The following SOX5 variants were observed in gnomAD, a reference collection of about 807,000 sequenced individuals.
SOX5 encodes SRY-box transcription factor 5, also known as transcription factor SOX-5.
In SOX5, 9 loss-of-function variants were observed where a neutral mutation model predicts 92.0. That is an observed-to-expected ratio of 0.10 (90% CI 0.06 to 0.17). SOX5 has a LOEUF of 0.17. Ranked by LOEUF, SOX5 falls within the 10% of genes least tolerant of loss-of-function variation. The pLI, the probability that SOX5 is intolerant of heterozygous loss-of-function variation, is 1.00. For missense variants in SOX5, 642 were observed against 944.5 expected (o/e 0.68, Z 4.20); for synonymous variants, 344 against 336.3 (o/e 1.02, Z -0.25).
intron 9 of SOX5, among the ~76,000 whole-genome samples, chr12:23,593,568 T>A (rs963248956): frequency 1.3e-5 from 2 of 152,188 alleles, no homozygotes; most frequent in African/African-American, 4.8e-5. Context: ...AATCTCATTT[T>A]ATGAAATATA....
intron 1 of SOX5, among the ~76,000 whole-genome samples, chr12:24,436,352 A>G (rs1939426906): frequency 1.3e-5 from 2 of 152,238 alleles, no homozygotes; most frequent in South Asian, 4.1e-4. Flanking sequence ...GAATACATGA[A>G]TGATAAGAAA....
chr12:24,508,037 T>G (rs1418271173), intron 1 of SOX5, among the ~76,000 whole-genome samples: 1 of 151,724 alleles, frequency 6.6e-6, no homozygotes, highest in African/African-American at 2.4e-5. Context: ...AGCCTGAGGG[T>G]GGGTGGAAGG....
At position 24,094,176 on chromosome 12, in the gene SOX5, A is replaced by T. The variant is rs566137046; in HGVS notation, c.-2+119167T>A. On this transcript the variant is annotated intron_variant, in intron 4 of 4. Coordinates refer to the SOX5 transcript ENST00000446891. ...TGACCAGGCTGGTCTTGAACTTCTG[A>T]CCTCAGATGATCCACCCACCTCGGC... 1.8e-3 allele frequency among the ~76,000 whole-genome samples: 279 copies of T among 152,140 alleles called. 2 individuals carry two copies. Among genetic ancestry groups the T allele is most frequent in the Non-Finnish European group, 1.8e-3 (119 of 67,998 alleles).
chr12:23,893,255 G>A (rs987214250), intron 2 of SOX5, among the ~76,000 whole-genome samples: 1 of 152,120 alleles, frequency 6.6e-6, no homozygotes, highest in African/African-American at 2.4e-5. Context: ...AGACCATCCT[G>A]GCCAACATGG....
chr12:24,045,588 T>C (rs779802341), intron 4 of SOX5, among the ~76,000 whole-genome samples: 1 of 152,128 alleles, frequency 6.6e-6, no homozygotes, highest in African/African-American at 2.4e-5. Flanking sequence ...GTGTGAGCCA[T>C]CTTGCCGGCC....
chr12:23,586,838 T>C (rs773457405), intron 9 of SOX5, among the ~76,000 whole-genome samples: 6 of 151,604 alleles, frequency 4.0e-5, no homozygotes, highest in Non-Finnish European at 8.8e-5. Context: ...TAAAGTGTTT[T>C]TTCCTTTTTT....
At chr12:24,323,928 A>C (rs1950439562) in intron 2 of SOX5, among the ~76,000 whole-genome samples, 1 of 152,144 alleles carries the variant, frequency 6.6e-6, no homozygotes, top group South Asian at 2.1e-4. Context: ...GAAAATGTTC[A>C]ATTAAGAAAT....
chr12:24,074,811 A>G (rs1177748220), intron 4 of SOX5, among the ~76,000 whole-genome samples: 1 of 152,116 alleles, frequency 6.6e-6, no homozygotes, highest in Non-Finnish European at 1.5e-5. Flanking sequence ...ACCTACTCAG[A>G]AATCTTAACA....
rs35979193 is a variant in SOX5 at position 24,362,866 on chromosome 12, GAA to G, written c.-174+5695_-174+5696del. On this transcript the variant is annotated intron_variant, in intron 2 of 4. Coordinates refer to the SOX5 transcript ENST00000446891. ...TCACAGTGGGCTAAGAAACCACAGT[GAA>G]AAAAAAAAAAAAAAAAGGAGGGCTA... Among the ~76,000 whole-genome samples the G allele has an allele frequency of 2.5e-3, 252 of 102,124 alleles. 1 individual carries two copies. The highest frequency in any genetic ancestry group is 3.6e-3 in the Admixed American group (35 of 9,744). 67.0% of individuals were successfully genotyped at this position (102,124 alleles called of 152,430 possible). A position where few individuals can be genotyped will look rare whatever the true frequency, so the allele number is the denominator to read the frequency against.
intron 1 of SOX5, among the ~76,000 whole-genome samples, chr12:24,546,017 G>A (rs1363840231): frequency 6.6e-6 from 1 of 152,198 alleles, no homozygotes; most frequent in Admixed American, 6.5e-5. Context: ...GAAACTCACT[G>A]CATGCAAATC....
chr12:23,604,359 C>A (rs772080243), intron 9 of SOX5, 28 bp downstream of exon 9: 3 of 1,612,020 alleles, frequency 1.9e-6, no homozygotes, highest in East Asian at 4.5e-5. Flanking sequence ...AGCTAAGTGG[C>A]AAGACAGTGG....
chr12:24,494,559 T>G (rs527801078), intron 1 of SOX5, among the ~76,000 whole-genome samples: 12 of 152,286 alleles, frequency 7.9e-5, no homozygotes, highest in Non-Finnish European at 1.6e-4. Context: ...GTGACTGAAT[T>G]CCAACGAGCA....
At chr12:24,198,752 G>A (rs920277620) in intron 4 of SOX5, among the ~76,000 whole-genome samples, 2 of 152,182 alleles carry the variant, frequency 1.3e-5, no homozygotes, top group Admixed American at 6.5e-5. Flanking sequence ...TTGATTTAGG[G>A]AGAAGAAAGA....
At chr12:24,169,588 C>T (rs924615029) in intron 4 of SOX5, among the ~76,000 whole-genome samples, 31 of 152,282 alleles carry the variant, frequency 2.0e-4, no homozygotes, top group African/African-American at 6.7e-4. Context: ...TTCCTGTCCT[C>T]GTTCATTCAT....
At chr12:24,028,696 C>G (rs993994291) in intron 4 of SOX5, among the ~76,000 whole-genome samples, 63 of 151,898 alleles carry the variant, frequency 4.1e-4, no homozygotes, top group African/African-American at 1.4e-3. Context: ...ATTTAGAGCT[C>G]AAATCAGAGA....
rs149880996 is a variant in SOX5, at chr12:24,358,260, A to C, written c.-174+10303T>G. On this transcript the variant is annotated intron_variant, in intron 2 of 4. Coordinates refer to the SOX5 transcript ENST00000446891. ...ATAGATACTACATTTAATTAGCAAA[A>C]TTGCTAAAACATAGCCAGGATCGAA... 2.4e-4 allele frequency among the ~76,000 whole-genome samples: 36 copies of C among 152,330 alleles called. 1 individual carries two copies. In the East Asian group the frequency reaches 6.8e-3, roughly 29 times the overall value.
At chr12:24,137,657 A>G (rs1950228277) in intron 4 of SOX5, among the ~76,000 whole-genome samples, 1 of 151,956 alleles carries the variant, frequency 6.6e-6, no homozygotes. Context: ...AAACAAAAAC[A>G]AAACAAAAAA....
At chr12:23,641,752 ATTAT>A (rs778048665) in intron 7 of SOX5, among the ~76,000 whole-genome samples, 2 of 152,328 alleles carry the variant, frequency 1.3e-5, no homozygotes, top group African/African-American at 4.8e-5. Context: ...AGTAATGTAC[ATTAT>A]TTGTCATCTG....
At chr12:23,739,923 TTATC>T (rs1421756721) in intron 5 of SOX5, among the ~76,000 whole-genome samples, 1 of 152,208 alleles carries the variant, frequency 6.6e-6, no homozygotes, top group Non-Finnish European at 1.5e-5. Flanking sequence ...ATCTGCTCCT[TTATC>T]TGTCTCTTTC....
Sources: allele counts gnomAD v4.1 joint callset (sites outside exome capture counted in the v4.1 genomes callset), GRCh38; gene constraint gnomAD v4.1.1; transcripts MANE v1.5; gene names NCBI Gene and HGNC (gene_info 2026-07-23, HGNC 2026-07-21).